Variants in EIF3J observed in about 807,000 individuals in gnomAD.
The protein encoded by EIF3J is eukaryotic translation initiation factor 3, subunit 1 (alpha, 35kD).
In EIF3J, 15 loss-of-function variants were observed where a neutral mutation model predicts 39.0. The observed-to-expected ratio is 0.38, with a 90% CI of 0.26 to 0.59. The LOEUF (loss-of-function observed/expected upper bound fraction) is 0.59. EIF3J is among the 20% of genes least tolerant of loss of function. EIF3J has a pLI of 0.60. For synonymous variants in EIF3J, 98 were observed against 112.9 expected (o/e 0.87, Z 0.84); for missense variants, 226 against 308.6 (o/e 0.73, Z 2.00).
At chr15:44,547,512 C>G (rs1360400330) in intron 2 of EIF3J, among the ~76,000 whole-genome samples, 1 of 144,678 alleles carries the variant, frequency 6.9e-6, no homozygotes, top group Non-Finnish European at 1.5e-5. Flanking sequence ...TGCAGTGGCA[C>G]AATCTTGGCT....
chr15:44,556,148 G>A (rs1033282431), intron 5 of EIF3J, among the ~76,000 whole-genome samples: 2 of 152,088 alleles, frequency 1.3e-5, no homozygotes. Context: ...TTACAGGCAT[G>A]AGCCACCATG....
rs1161065261 is a variant in EIF3J, at chr15:44,561,653, T to TATC, written c.*505_*507dup. On this transcript the variant is annotated 3_prime_UTR_variant, in exon 8 of 8. Transcript: ENST00000261868. ...AAAATACATTGTGAAGAAGACTGCT[T>TATC]ATCTCAGAGTGAAGATACTGCGGCT... 2.0e-5 allele frequency: 3 copies of TATC among 152,636 alleles called. No individual in the cohort carries two copies. The highest frequency in any genetic ancestry group is 4.1e-4 in the South Asian group (2 of 4,838). The allele number at this position is 152,636 out of a possible 1,614,324, so 9.5% of individuals were successfully genotyped here.
chr15:44,557,886 G>T (rs1445316913), intron 6 of EIF3J: 1 of 273,364 alleles, frequency 3.7e-6, no homozygotes, highest in Non-Finnish European at 6.8e-6. Flanking sequence ...TTCCCTAAGA[G>T]ATACCTGGGC....
chr15:44,557,723 A>AT, intron 6 of EIF3J, 73 bp downstream of exon 6: 1 of 1,187,796 alleles, frequency 8.4e-7, no homozygotes, highest in Non-Finnish European at 1.1e-6. Context: ...GTTGAAGGTT[A>AT]TTTTTTATTT....
At chr15:44,546,789 T>C (rs2082055925) in intron 2 of EIF3J, among the ~76,000 whole-genome samples, 1 of 151,316 alleles carries the variant, frequency 6.6e-6, no homozygotes, top group South Asian at 2.1e-4. Context: ...ATGATTGAGT[T>C]AGGCATAGAA....
At chr15:44,541,887 T>C (rs980439159) in intron 2 of EIF3J, among the ~76,000 whole-genome samples, 6 of 152,242 alleles carry the variant, frequency 3.9e-5, no homozygotes. Context: ...CTCAATCATA[T>C]CATTTCATAC....
chr15:44,547,969 C>T (rs1306175884), intron 2 of EIF3J, among the ~76,000 whole-genome samples: 1 of 152,132 alleles, frequency 6.6e-6, no homozygotes, highest in Non-Finnish European at 1.5e-5. Context: ...GTTGTCCTAA[C>T]TGCTAATGGA....
chr15:44,562,280 T>C lies in EIF3J; in HGVS notation c.*1131T>C, dbSNP rs2082207415. The C allele has an allele frequency of 6.6e-6, 1 of 151,810 alleles. No homozygotes were observed. Among genetic ancestry groups the C allele is most frequent in the African/African-American group, 2.4e-5 (1 of 41,368 alleles). 9.4% of individuals were successfully genotyped at this position (151,810 alleles called of 1,614,324 possible). A position where few individuals can be genotyped will look rare whatever the true frequency, so the allele number is the denominator to read the frequency against. ...AGGTATAGGGCTGCCTTCCTCTTAT[T>C]TATTTGGGGACATTATTTTGTTATT... On this transcript the variant is annotated 3_prime_UTR_variant, in exon 8 of 8. Transcript: ENST00000261868.
At chr15:44,556,203 C>A (rs559153491) in intron 5 of EIF3J, among the ~76,000 whole-genome samples, 3 of 152,230 alleles carry the variant, frequency 2.0e-5, no homozygotes, top group Admixed American at 2.0e-4. Flanking sequence ...AACATGTTTA[C>A]CCCCGCTTAG....
intron 2 of EIF3J, among the ~76,000 whole-genome samples, chr15:44,547,945 T>C (rs2082068127): frequency 6.6e-6 from 1 of 152,316 alleles, no homozygotes; most frequent in Non-Finnish European, 1.5e-5. Flanking sequence ...AGAGAGGCTA[T>C]TGATTTCAGC....
At chr15:44,538,070 C>T (rs2081975516) in intron 2 of EIF3J, among the ~76,000 whole-genome samples, 1 of 152,034 alleles carries the variant, frequency 6.6e-6, no homozygotes, top group Admixed American at 6.6e-5. Flanking sequence ...ACACCGTGAC[C>T]TGAGAAATGG....
At chr15:44,557,381 C>T (rs2140902132) in intron 5 of EIF3J, 108 bp from the exon 6 acceptor site, 2 of 805,920 alleles carry the variant, frequency 2.5e-6, no homozygotes, top group East Asian at 6.4e-5. Flanking sequence ...AGAGCCCCTG[C>T]TTTAGAATGA....
At position 44,537,196 on chromosome 15, in the gene EIF3J, T is replaced by TGGCGATGGCGGCGGC; in HGVS notation, c.6_7insATGGCGGCGGCGGCG (p.Ala2_Ala3insMetAlaAlaAlaAla). Reference sequence around the variant, plus strand: ...ACACACGCTCACACCCGGCTCGAGATGGCGGCGGCGGCGGCGGCGGCGGGG... The same window carrying TGGCGATGGCGGCGGC: ...ACACACGCTCACACCCGGCTCGAGATGGCGATGGCGGCGGCGGCGGCGGCGGCGGCGGCGGCGGGG... On this transcript the variant is annotated inframe_insertion, in exon 1 of 8. Coordinates refer to ENST00000261868, the MANE Select transcript of EIF3J (RefSeq NM_003758.4). The TGGCGATGGCGGCGGC allele has an allele frequency of 6.2e-7, 1 of 1,601,504 alleles. No homozygotes were observed. Among genetic ancestry groups the TGGCGATGGCGGCGGC allele is most frequent in the Non-Finnish European group, 8.5e-7 (1 of 1,174,018 alleles).
Position 44,561,114 on chromosome 15 carries a change from G to A in EIF3J, c.742G>A (p.Gly248Arg), listed in dbSNP as rs769916667. 9.9e-6 allele frequency: 16 copies of A among 1,613,300 alleles called. No homozygotes were observed. Among genetic ancestry groups the A allele is most frequent in the Non-Finnish European group, 1.4e-5 (16 of 1,179,800 alleles). ...DDLADYGGYD[G>R]GYVQDYEDFM The stretch of plus-strand genomic sequence containing the variant: ...TCTGGCAGATTATGGTGGTTATGAT[G>A]GAGGATATGTACAAGACTATGAAGA... The change falls in exon 8 of 8, where the codon GGA becomes AGA. Residue 248 changes from glycine to arginine, a missense_variant. This residue lies in a region of EIF3J where 83 missense variants were observed against 152.6 expected (regional missense o/e 0.54). Coordinates refer to ENST00000261868, the MANE Select transcript of EIF3J (RefSeq NM_003758.4).
In EIF3J at chr15:44,557,485, A is replaced by G; in HGVS notation, c.410-4A>G. The G allele has an allele frequency of 2.0e-6, 3 of 1,505,044 alleles. No homozygotes were observed. The highest frequency in any genetic ancestry group is 2.6e-6 in the Non-Finnish European group (3 of 1,132,476). 93.2% of individuals were successfully genotyped at this position (1,505,044 alleles called of 1,614,324 possible). A position where few individuals can be genotyped will look rare whatever the true frequency, so the allele number is the denominator to read the frequency against. Reference sequence around the variant, plus strand: ...TACTTTTCAGTGCTTCTTTTCTCCTACAGGTGTTAATAATGCAGTTTATGG... The same window carrying G: ...TACTTTTCAGTGCTTCTTTTCTCCTGCAGGTGTTAATAATGCAGTTTATGG... On this transcript the variant is annotated splice_region_variant and splice_polypyrimidine_tract_variant and intron_variant, in intron 5 of 7. Coordinates refer to ENST00000261868, the MANE Select transcript of EIF3J (RefSeq NM_003758.4).
At chr15:44,538,858 T>C (rs2081983961) in intron 2 of EIF3J, among the ~76,000 whole-genome samples, 1 of 152,182 alleles carries the variant, frequency 6.6e-6, no homozygotes, top group Non-Finnish European at 1.5e-5. Flanking sequence ...AGTTAAGACA[T>C]CTGTTATGAA....
At chr15:44,547,727 C>T (rs1389361075) in intron 2 of EIF3J, among the ~76,000 whole-genome samples, 3 of 148,480 alleles carry the variant, frequency 2.0e-5, no homozygotes, top group Non-Finnish European at 4.4e-5. Flanking sequence ...GGATTACAGG[C>T]ATGAGCCACG....
At chr15:44,558,785 A>T (rs993031263) in intron 6 of EIF3J, 8 of 152,110 alleles carry the variant, frequency 5.3e-5, no homozygotes, top group Non-Finnish European at 8.8e-5. Flanking sequence ...TACACAATGA[A>T]TTGGGTTTTC....
At chr15:44,537,264 C>T in intron 1 of EIF3J, 27 bp downstream of exon 1, 1 of 1,573,938 alleles carries the variant, frequency 6.4e-7, no homozygotes, top group Non-Finnish European at 8.6e-7. Flanking sequence ...GGGGCAGGGC[C>T]CGGGCCGGCG....
Sources: allele counts gnomAD v4.1 joint callset (sites outside exome capture counted in the v4.1 genomes callset), GRCh38; gene constraint gnomAD v4.1.1; regional missense constraint gnomAD v4.1.1; transcripts MANE v1.5; gene names NCBI Gene and HGNC (gene_info 2026-07-23, HGNC 2026-07-21).